Variants in KCNQ1 observed in about 807,000 individuals in gnomAD.
KCNQ1 encodes the protein potassium voltage-gated channel subfamily KQT member 1.
In KCNQ1, 49 loss-of-function variants were observed where a neutral mutation model predicts 72.4. The observed-to-expected ratio is 0.68, with a 90% CI of 0.54 to 0.86. KCNQ1 has a LOEUF of 0.86. Ranked by LOEUF, KCNQ1 falls within the 40% of genes least tolerant of loss-of-function variation. The probability of loss-of-function intolerance (pLI) is 0.00; values close to 1 mark genes in which losing one functional copy is unlikely to be tolerated. For synonymous variants in KCNQ1, 450 were observed against 412.6 expected, an observed-to-expected ratio of 1.09 and a Z score of -1.10; for missense variants, 790 against 945.1, an observed-to-expected ratio of 0.84 and a Z score of 2.15.
chr11:2,551,365 A>G (rs1195281167), intron 2 of KCNQ1, among the ~76,000 whole-genome samples: 1 of 152,202 alleles, frequency 6.6e-6, no homozygotes, highest in East Asian at 1.9e-4. Context: ...CGCGGCGTGT[A>G]GCCTCTGCGC....
At position 2,603,783 on chromosome 11, in the gene KCNQ1, C is replaced by G. The variant is rs576712640; in HGVS notation, c.1393+14929C>G. 6.6e-6 allele frequency among the ~76,000 whole-genome samples: 1 copy of G among 152,026 alleles called. No homozygotes were observed. The highest frequency in any genetic ancestry group is 2.4e-5 in the African/African-American group (1 of 41,406). ...TCGGCTCACTGCAACCTCCGCCTCCCGGGTTCAAGCAATTCACCCGCCTCA... is the reference window on the plus strand; with the variant it reads ...TCGGCTCACTGCAACCTCCGCCTCCGGGGTTCAAGCAATTCACCCGCCTCA... On this transcript the variant is annotated intron_variant, in intron 10 of 15. Transcript: ENST00000155840. The surrounding 1 kb of genome is among the most constrained non-coding windows in gnomAD (Gnocchi z 4.1).
In KCNQ1 at chr11:2,678,879, C is replaced by G. The variant is rs1455979056; in HGVS notation, c.1514+16798C>G. ...GGTGCACAGGAGTTGCCAGCTGGAC[C>G]CAAGGACCATTTCGTATACATGTAT... On this transcript the variant is annotated intron_variant, in intron 11 of 15. Transcript: ENST00000155840. The surrounding 1 kb of genome is among the most constrained non-coding windows in gnomAD (Gnocchi z 4.9). 4.5e-5 allele frequency: 18 copies of G among 398,498 alleles called. No homozygotes were observed. Among genetic ancestry groups the G allele is most frequent in the Non-Finnish European group, 6.2e-5 (14 of 226,048 alleles). The allele number at this position is 398,498 out of a possible 1,614,324, so 24.7% of individuals were successfully genotyped here.
rs1846425275 is a variant in KCNQ1, at chr11:2,762,761, T to C, written c.1515-6083T>C. Reference sequence around the variant, plus strand: ...GTACTCCTTATGAGAATCTAATGCCTGCTGGTCTGAACTGGAACAGTTTCA... The same window carrying C: ...GTACTCCTTATGAGAATCTAATGCCCGCTGGTCTGAACTGGAACAGTTTCA... On this transcript the variant is annotated intron_variant, in intron 11 of 15. Coordinates refer to ENST00000155840, the MANE Select transcript of KCNQ1 (RefSeq NM_000218.3). The surrounding 1 kb of genome is among the most constrained non-coding windows in gnomAD (Gnocchi z 4.3). Among the ~76,000 whole-genome samples the C allele has an allele frequency of 6.6e-6, 1 of 152,242 alleles. No homozygotes were observed. Among genetic ancestry groups the C allele is most frequent in the Admixed American group, 6.5e-5 (1 of 15,290 alleles).
chr11:2,521,057 T>A (rs1042142983), intron 1 of KCNQ1, among the ~76,000 whole-genome samples: 2 of 152,120 alleles, frequency 1.3e-5, no homozygotes, highest in Admixed American at 1.3e-4. Context: ...GTTTTTTTTT[T>A]ATTGTGATAA....
intron 15 of KCNQ1, 33 bp from the exon 16 acceptor site, chr11:2,847,734 C>CACTG: frequency 6.4e-7 from 1 of 1,558,984 alleles, no homozygotes; most frequent in Non-Finnish European, 8.7e-7. Flanking sequence ...TGCTTCCCAC[C>CACTG]ACTGACTCTC....
In KCNQ1 at chr11:2,677,927, C is replaced by A. The variant is rs1297810091; in HGVS notation, c.1514+15846C>A. On this transcript the variant is annotated intron_variant, in intron 11 of 15. Transcript: ENST00000155840. The surrounding 1 kb of genome is among the most constrained non-coding windows in gnomAD (Gnocchi z 4.5). ...GTATACTCAGGTTTTTATCTTCATT[C>A]ATTTCATAGATGAGAAATGGTACAC... The A allele has an allele frequency of 5.0e-6, 2 of 398,406 alleles. No individual in the cohort carries two copies. The highest frequency in any genetic ancestry group is 8.8e-6 in the Non-Finnish European group (2 of 226,026). The allele number at this position is 398,406 out of a possible 1,614,324, so 24.7% of individuals were successfully genotyped here. A position where few individuals can be genotyped will look rare whatever the true frequency, so the allele number is the denominator to read the frequency against.
chr11:2,847,713 G>A, intron 15 of KCNQ1, 54 bp from the exon 16 acceptor site: 2 of 1,516,070 alleles, frequency 1.3e-6, no homozygotes, highest in South Asian at 1.2e-5. Flanking sequence ...GAGGCTGTCT[G>A]CACACCTGGG....
rs752946086 is a variant in KCNQ1 at position 2,492,669 on chromosome 11, A to T, written c.387-35259A>T. ...GAATGGTTTCCAGCTTCATCCCCACAAAAGACATGAACTCATTCTTTTTTT... is the reference window on the plus strand; with the variant it reads ...GAATGGTTTCCAGCTTCATCCCCACTAAAGACATGAACTCATTCTTTTTTT... On this transcript the variant is annotated intron_variant, in intron 1 of 15. Coordinates refer to ENST00000155840, the MANE Select transcript of KCNQ1 (RefSeq NM_000218.3). The surrounding 1 kb of genome is among the most constrained non-coding windows in gnomAD (Gnocchi z 4.1). Among the ~76,000 whole-genome samples the T allele has an allele frequency of 1.1e-4, 16 of 152,134 alleles. No homozygotes were observed. The highest frequency in any genetic ancestry group is 1.5e-4 in the Non-Finnish European group (10 of 68,014).
intron 15 of KCNQ1, among the ~76,000 whole-genome samples, chr11:2,814,304 T>C (rs1847566872): frequency 7.0e-6 from 1 of 142,718 alleles, no homozygotes; most frequent in African/African-American, 2.8e-5. Flanking sequence ...GATGGATGGA[T>C]AGATGGATGG....
Position 2,664,183 on chromosome 11 carries a change from C to A in KCNQ1, c.1514+2102C>A. 7.5e-6 allele frequency: 3 copies of A among 398,724 alleles called. No homozygotes were observed. Among genetic ancestry groups the A allele is most frequent in the Non-Finnish European group, 8.8e-6 (2 of 226,188 alleles). The allele number at this position is 398,724 out of a possible 1,614,324, so 24.7% of individuals were successfully genotyped here. ...TCCAAAAGTGGCTGCTAGATATGAGCCAGCCTGGGAAGGCAGGAAGGAGCC... is the reference window on the plus strand; with the variant it reads ...TCCAAAAGTGGCTGCTAGATATGAGACAGCCTGGGAAGGCAGGAAGGAGCC... On this transcript the variant is annotated intron_variant, in intron 11 of 15. Coordinates refer to ENST00000155840, the MANE Select transcript of KCNQ1 (RefSeq NM_000218.3). The surrounding 1 kb of genome is among the most constrained non-coding windows in gnomAD (Gnocchi z 5.1).
Position 2,677,224 on chromosome 11 carries a change from G to A in KCNQ1, c.1514+15143G>A, listed in dbSNP as rs1444547120. ...CTTTGGCTGTCTCTTGTCAACCAAA[G>A]ACAATATAAAGCACACACAAAGTAA... On this transcript the variant is annotated intron_variant, in intron 11 of 15. Transcript: ENST00000155840. The surrounding 1 kb of genome is among the most constrained non-coding windows in gnomAD (Gnocchi z 4.5). 2.5e-6 allele frequency: 1 copy of A among 398,400 alleles called. No homozygotes were observed. The highest frequency in any genetic ancestry group is 3.6e-5 in the East Asian group (1 of 28,078). 24.7% of individuals were successfully genotyped at this position (398,400 alleles called of 1,614,324 possible).
At chr11:2,797,547 G>T (rs1055531380) in intron 15 of KCNQ1, among the ~76,000 whole-genome samples, 2 of 151,982 alleles carry the variant, frequency 1.3e-5, no homozygotes, top group Non-Finnish European at 2.9e-5. Context: ...CTGCCCCTGC[G>T]TACCCACCAC....
intron 2 of KCNQ1, among the ~76,000 whole-genome samples, chr11:2,534,377 C>T (rs569394784): frequency 1.6e-4 from 24 of 152,330 alleles, no homozygotes; most frequent in African/African-American, 5.3e-4. Flanking sequence ...CTGCCGCTGC[C>T]GGGAAAAGAC....
Position 2,603,037 on chromosome 11 carries a change from A to G in KCNQ1, c.1393+14183A>G, listed in dbSNP as rs1475421905. 6.6e-6 allele frequency among the ~76,000 whole-genome samples: 1 copy of G among 152,188 alleles called. No individual in the cohort carries two copies. Among genetic ancestry groups the G allele is most frequent in the African/African-American group, 2.4e-5 (1 of 41,452 alleles). On this transcript the variant is annotated intron_variant, in intron 10 of 15. Transcript: ENST00000155840. The surrounding 1 kb of genome is among the most constrained non-coding windows in gnomAD (Gnocchi z 4.1). ...TTTTTTCTAACAGCCTTGTGGAGAT[A>G]TAGTTTACATACCATACAATTCACC...
chr11:2,756,674 C>T (rs941333229), intron 11 of KCNQ1, among the ~76,000 whole-genome samples: 5 of 151,888 alleles, frequency 3.3e-5, no homozygotes, highest in Admixed American at 3.3e-4. Context: ...TGGTCTTGAA[C>T]TCCTGAGCTC....
intron 11 of KCNQ1, among the ~76,000 whole-genome samples, chr11:2,701,987 C>T (rs377009244): frequency 5.3e-5 from 8 of 152,230 alleles, no homozygotes; most frequent in East Asian, 1.9e-4. Context: ...TTGAGGGTGG[C>T]CTCAGGCCCC....
intron 15 of KCNQ1, among the ~76,000 whole-genome samples, chr11:2,812,655 A>G (rs1847514651): frequency 6.6e-6 from 1 of 152,170 alleles, no homozygotes; most frequent in African/African-American, 2.4e-5. Flanking sequence ...ACTTTAAAAC[A>G]TAAACCAGAC....
chr11:2,686,810 C>G (rs1850497458), intron 11 of KCNQ1: 1 of 398,598 alleles, frequency 2.5e-6, no homozygotes, highest in South Asian at 1.3e-4. Flanking sequence ...CTGCTCACCC[C>G]TAAAGAGCAG....
intron 6 of KCNQ1, among the ~76,000 whole-genome samples, chr11:2,581,637 C>T (rs1848233324): frequency 1.3e-5 from 2 of 152,374 alleles, no homozygotes; most frequent in East Asian, 1.9e-4. Context: ...GAGTGTCAGG[C>T]TCGGACATGG....
Sources: gnomAD v4.1 joint callset for allele counts (sites outside exome capture counted in the v4.1 genomes callset) on GRCh38, gnomAD v4.1.1 for gene constraint, Gnocchi (gnomAD v3.1) non-coding constraint, MANE v1.5 for transcripts, NCBI Gene and HGNC (gene_info 2026-07-23, HGNC 2026-07-21) for gene names.